Variants in DICER1 observed in about 807,000 individuals in gnomAD.
DICER1 encodes the protein endoribonuclease Dicer.
Under a neutral mutation model 194.1 loss-of-function variants are expected in DICER1, and 43 were observed. The observed-to-expected ratio is 0.22, with a 90% CI of 0.17 to 0.29. The LOEUF (loss-of-function observed/expected upper bound fraction) is 0.29, where lower values mean the gene tolerates loss of function less well. DICER1 is among the 10% of genes least tolerant of loss of function. The pLI is 1.00. For synonymous variants in DICER1, 832 were observed against 820.5 expected, an observed-to-expected ratio of 1.01 and a Z score of -0.24; for missense variants, 1,608 against 2,317.0, an observed-to-expected ratio of 0.69 and a Z score of 6.28.
intron 14 of DICER1, among the ~76,000 whole-genome samples, chr14:95,110,348 C>T (rs1412707201): frequency 6.6e-6 from 1 of 152,220 alleles, no homozygotes; most frequent in Non-Finnish European, 1.5e-5. Context: ...CAGGACACCA[C>T]TCTGTGGCAG....
At chr14:95,093,271 TAA>T (rs1412455553) in intron 24 of DICER1, among the ~76,000 whole-genome samples, 10 of 152,202 alleles carry the variant, frequency 6.6e-5, no homozygotes, top group Admixed American at 6.5e-4. Context: ...AGATGAATGT[TAA>T]GAGACTGGAA....
At chr14:95,132,217 G>A (rs1894007503) in intron 3 of DICER1, among the ~76,000 whole-genome samples, 1 of 152,082 alleles carries the variant, frequency 6.6e-6, no homozygotes, top group African/African-American at 2.4e-5. Flanking sequence ...CATACTTGGT[G>A]AAGCTAAAAC....
rs117272109 is a variant in DICER1, at chr14:95,103,163, C to T, written c.4050+183G>A. Among the ~76,000 whole-genome samples the T allele has an allele frequency of 6.9e-3, 1,044 of 152,288 alleles. 11 individuals are homozygous for T. The highest frequency in any genetic ancestry group is 0.011 in the Non-Finnish European group (729 of 68,030). On this transcript the variant is annotated intron_variant, in intron 21 of 26. Coordinates refer to ENST00000343455, the MANE Select transcript of DICER1 (RefSeq NM_177438.3). The stretch of plus-strand genomic sequence containing the variant: ...ATTGGTGTAAAGCAATACTCATCAA[C>T]TGCCAGGTAGTTCTGCCACAGGCTT...
At chr14:95,111,200 G>C in intron 14 of DICER1, 117 bp downstream of exon 14, 1 of 1,154,238 alleles carries the variant, frequency 8.7e-7, no homozygotes, top group Non-Finnish European at 1.3e-6. Flanking sequence ...CTGAGATCCA[G>C]AGTGGGCCAA....
At chr14:95,101,400 A>G (rs527447227) in intron 21 of DICER1, among the ~76,000 whole-genome samples, 1 of 152,252 alleles carries the variant, frequency 6.6e-6, no homozygotes, top group East Asian at 1.9e-4. Flanking sequence ...ATCCTATCCT[A>G]TTGCCTATGC....
chr14:95,123,566 G>A (rs146295706), intron 8 of DICER1, among the ~76,000 whole-genome samples: 20 of 152,124 alleles, frequency 1.3e-4, no homozygotes, highest in African/African-American at 4.3e-4. Flanking sequence ...GGGACTACAG[G>A]CATACACCAC....
chr14:95,134,180 A>G (rs1461537143), intron 1 of DICER1, among the ~76,000 whole-genome samples: 1 of 152,206 alleles, frequency 6.6e-6, no homozygotes, highest in Non-Finnish European at 1.5e-5. Context: ...TAAATGCACA[A>G]CTATTTAAAT....
Position 95,096,612 on chromosome 14 carries a change from A to T in DICER1, c.4308T>A (p.Ala1436=), listed in dbSNP as rs757988247. 6.2e-7 allele frequency: 1 copy of T among 1,611,656 alleles called. No individual in the cohort carries two copies. Among genetic ancestry groups the T allele is most frequent in the East Asian group, 2.2e-5 (1 of 44,868 alleles). Residue 1436 remains alanine (A), a synonymous_variant, in exon 23 of 27, where the codon GCT becomes GCA. Coordinates refer to ENST00000343455, the MANE Select transcript of DICER1 (RefSeq NM_177438.3). ...ACTCCAGGAAATCATCTTCATAGTCAGCCTCTTCCTTCGGAGCCCTCCACA... is the reference window on the plus strand; with the variant it reads ...ACTCCAGGAAATCATCTTCATAGTCTGCCTCTTCCTTCGGAGCCCTCCACA... ...SLMWRAPKEE[A]DYEDDFLEYD...
At chr14:95,131,047 T>G (rs1432417280) in intron 4 of DICER1, among the ~76,000 whole-genome samples, 1 of 152,196 alleles carries the variant, frequency 6.6e-6, no homozygotes, top group Non-Finnish European at 1.5e-5. Context: ...TGGGTTTTTT[T>G]CTGAGATGGA....
At chr14:95,100,061 AT>A (rs1890742930) in intron 21 of DICER1, 126 bp from the exon 22 acceptor site, 3 of 1,019,734 alleles carry the variant, frequency 2.9e-6, no homozygotes, top group African/African-American at 3.3e-5. Flanking sequence ...TCATCAATTA[AT>A]TATAAGGGCT....
chr14:95,118,135 C>T (rs1344035476), intron 8 of DICER1, among the ~76,000 whole-genome samples: 1 of 152,108 alleles, frequency 6.6e-6, no homozygotes, highest in African/African-American at 2.4e-5. Context: ...GAAAAAAGCT[C>T]GACTCATCCC....
In DICER1 at chr14:95,146,272, T is replaced by C. The variant is rs531294938; in HGVS notation, c.-46+10958A>G. 2.6e-5 allele frequency among the ~76,000 whole-genome samples: 4 copies of C among 152,230 alleles called. No individual in the cohort carries two copies. In the South Asian group the frequency reaches 6.2e-4, roughly 24 times the overall value. On this transcript the variant is annotated intron_variant, in intron 1 of 26. Coordinates refer to ENST00000343455, the MANE Select transcript of DICER1 (RefSeq NM_177438.3). ...CCGGATTGAGAACCTGTCTTGCCAT[T>C]TGGCACACTTTCCTCTGATTGATCC...
At chr14:95,135,140 C>A (rs1894261247) in intron 1 of DICER1, among the ~76,000 whole-genome samples, 1 of 152,198 alleles carries the variant, frequency 6.6e-6, no homozygotes, top group South Asian at 2.1e-4. Flanking sequence ...CTGCGGGTCC[C>A]ATCACTGACC....
At chr14:95,156,532 T>A (rs1343233889) in intron 1 of DICER1, among the ~76,000 whole-genome samples, 2 of 152,238 alleles carry the variant, frequency 1.3e-5, no homozygotes, top group East Asian at 3.9e-4. Context: ...GCAACTCAGC[T>A]TTTCTGGACA....
chr14:95,156,251 G>A (rs914501895), intron 1 of DICER1, among the ~76,000 whole-genome samples: 6 of 152,238 alleles, frequency 3.9e-5, no homozygotes, highest in African/African-American at 7.2e-5. Flanking sequence ...GGATTGTAAA[G>A]ATTCAGAATA....
At chr14:95,143,163 TA>T (rs1367444985) in intron 1 of DICER1, among the ~76,000 whole-genome samples, 1 of 152,014 alleles carries the variant, frequency 6.6e-6, no homozygotes, top group African/African-American at 2.4e-5. Flanking sequence ...CAGAGAAAAC[TA>T]AAAAAATGTA....
At chr14:95,093,041 C>T (rs763891412) in intron 24 of DICER1, among the ~76,000 whole-genome samples, 3 of 152,178 alleles carry the variant, frequency 2.0e-5, no homozygotes, top group Admixed American at 6.5e-5. Context: ...TTCAAACCTA[C>T]TCTTAATTTT....
intron 6 of DICER1, 149 bp from the exon 7 acceptor site, chr14:95,126,897 G>A: frequency 1.7e-6 from 1 of 605,366 alleles, no homozygotes; most frequent in Non-Finnish European, 2.9e-6. Flanking sequence ...TGAGATTTTA[G>A]GTGTTTAATT....
intron 12 of DICER1, 25 bp from the exon 13 acceptor site, chr14:95,112,272 T>C (rs1892044272): frequency 6.3e-7 from 1 of 1,595,040 alleles, no homozygotes; most frequent in African/African-American, 1.3e-5. Context: ...AACCTTTCCA[T>C]TATATATGCA....
Sources: gnomAD v4.1 joint callset for allele counts (sites outside exome capture counted in the v4.1 genomes callset) on GRCh38, gnomAD v4.1.1 for gene constraint, MANE v1.5 for transcripts, NCBI Gene and HGNC (gene_info 2026-07-23, HGNC 2026-07-21) for gene names.